The following CCDC92 variants were observed in gnomAD, a reference collection of about 807,000 sequenced individuals.
The protein encoded by CCDC92 is coiled-coil domain containing 92.
A neutral mutation model predicts 24.9 loss-of-function variants in CCDC92; 12 were observed. The ratio of observed to expected loss-of-function variants is 0.48; its 90% CI spans 0.31 to 0.78. The LOEUF is 0.78. Ranked by LOEUF, CCDC92 falls within the 30% of genes least tolerant of loss-of-function variation. The pLI is 0.05. For missense variants in CCDC92, 399 were observed against 439.4 expected (o/e 0.91, Z 0.82); for synonymous variants, 193 against 196.3 (o/e 0.98, Z 0.14).
intron 2 of CCDC92, 137 bp downstream of exon 2, chr12:123,944,135 T>A: frequency 7.4e-6 from 5 of 672,368 alleles, no homozygotes; most frequent in Non-Finnish European, 1.1e-5. Context: ...GAGCCACAGA[T>A]CCTTCTTGGG....
At chr12:123,963,397 G>A (rs1956319938) in intron 1 of CCDC92, among the ~76,000 whole-genome samples, 1 of 152,206 alleles carries the variant, frequency 6.6e-6, no homozygotes, top group Non-Finnish European at 1.5e-5. Context: ...GCAACCAGCA[G>A]GTGAGGGGAC....
intron 1 of CCDC92, chr12:123,970,111 G>C (rs1956491429): frequency 6.6e-6 from 1 of 152,134 alleles, no homozygotes; most frequent in African/African-American, 2.4e-5. Context: ...GGTTCATGTA[G>C]GTGTCTGCGG....
chr12:123,958,195 A>G (rs115414994), intron 1 of CCDC92, among the ~76,000 whole-genome samples: 1,903 of 152,200 alleles, frequency 0.013, 32 homozygotes, highest in African/African-American at 0.042. Context: ...CAGGGATGAC[A>G]GGCATGCAAT....
Position 123,936,795 on chromosome 12 carries a change from G to A in CCDC92, c.*263C>T, listed in dbSNP as rs117695256. The A allele has an allele frequency of 0.019, 10,655 of 571,408 alleles. 163 individuals are homozygous for A. The highest frequency in any genetic ancestry group is 0.031 in the Middle Eastern group (68 of 2,160). 35.4% of individuals were successfully genotyped at this position (571,408 alleles called of 1,614,324 possible). On this transcript the variant is annotated 3_prime_UTR_variant, in exon 5 of 5. Transcript: ENST00000238156. ...CCGTGGCCTGGGCTTTGCCTGCAGC[G>A]CACTTAGGTTACACGGAGCGGGATC...
chr12:123,943,424 A>G lies in CCDC92; in HGVS notation c.104T>C (p.Leu35Pro). The stretch of plus-strand genomic sequence containing the variant: ...GCTGGCATGCTCCCGCTGAAGGAAC[A>G]GGAGGTTCTTCTGTGCGCTGTGCAG... Reference protein sequence around the residue: ...NQLHSAQKNLLFLQREHASTL... With the variant: ...NQLHSAQKNLPFLQREHASTL... The change falls in exon 3 of 5, where the codon CTG becomes CCG. Residue 35 changes from leucine (L) to proline (P), a missense_variant. Transcript: ENST00000238156. The G allele has an allele frequency of 6.2e-7, 1 of 1,614,186 alleles. No homozygotes were observed. The highest frequency in any genetic ancestry group is 8.5e-7 in the Non-Finnish European group (1 of 1,180,024).
intron 3 of CCDC92, 137 bp from the exon 4 acceptor site, chr12:123,942,922 G>A (rs1955731932): frequency 1.4e-6 from 1 of 730,580 alleles, no homozygotes; most frequent in Admixed American, 2.0e-5. Flanking sequence ...AGCAGGAGAG[G>A]TGAGCATGAG....
intron 1 of CCDC92, among the ~76,000 whole-genome samples, chr12:123,969,698 G>A (rs1431402706): frequency 1.3e-5 from 2 of 151,858 alleles, no homozygotes; most frequent in African/African-American, 4.8e-5. Context: ...TCTTGACCTC[G>A]TGATCTGCCC....
At chr12:123,967,782 G>A (rs1463544155) in intron 1 of CCDC92, among the ~76,000 whole-genome samples, 2 of 152,180 alleles carry the variant, frequency 1.3e-5, no homozygotes, top group Admixed American at 6.5e-5. Flanking sequence ...ATAATATTGA[G>A]AATGACAATT....
intron 1 of CCDC92, among the ~76,000 whole-genome samples, chr12:123,954,837 C>T (rs1458168661): frequency 6.6e-6 from 1 of 152,230 alleles, no homozygotes; most frequent in Admixed American, 6.5e-5. Flanking sequence ...AGGAGGCCAG[C>T]GGGCGGCAGA....
intron 2 of CCDC92, 84 bp from the exon 3 acceptor site, chr12:123,943,577 T>A: frequency 6.8e-7 from 1 of 1,471,758 alleles, no homozygotes; most frequent in Non-Finnish European, 9.4e-7. Flanking sequence ...TGCAGAGGGG[T>A]GTGCGCCTCC....
intron 1 of CCDC92, among the ~76,000 whole-genome samples, chr12:123,964,749 G>T (rs941485703): frequency 9.9e-5 from 15 of 152,164 alleles, no homozygotes; most frequent in African/African-American, 3.4e-4. Context: ...TAAGAAACTA[G>T]TATCTTTATA....
At chr12:123,960,666 TGAC>T (rs1377302726) in intron 1 of CCDC92, 1 of 152,262 alleles carries the variant, frequency 6.6e-6, no homozygotes, top group African/African-American at 2.4e-5. Flanking sequence ...TGAGCTTGGA[TGAC>T]GCTTTTCTTG....
chr12:123,966,983 A>G (rs941687251), intron 1 of CCDC92, among the ~76,000 whole-genome samples: 2 of 152,036 alleles, frequency 1.3e-5, no homozygotes, highest in African/African-American at 4.8e-5. Context: ...TCCCCTAAAA[A>G]CCTGCCTTTG....
chr12:123,969,651 A>C (rs1594519766), intron 1 of CCDC92, among the ~76,000 whole-genome samples: 1 of 151,750 alleles, frequency 6.6e-6, no homozygotes, highest in East Asian at 1.9e-4. Context: ...TTTAGTAGAG[A>C]TGGGGTTTCA....
Position 123,937,243 on chromosome 12 carries a change from C to A in CCDC92, c.811G>T (p.Asp271Tyr), listed in dbSNP as rs575729715. ...RPLVIPPIAS[D>Y]RSGEQHSPAR... Reference sequence around the variant, plus strand: ...GGGCTGTGCTGCTCGCCGCTTCGGTCGGAGGCGATGGGGGGGATGACGAGG... The same window carrying A: ...GGGCTGTGCTGCTCGCCGCTTCGGTAGGAGGCGATGGGGGGGATGACGAGG... Residue 271 changes from aspartate to tyrosine, a missense_variant, in exon 5 of 5, where the codon GAC (aspartate) becomes TAC (tyrosine). Asp to Tyr is a radical substitution (Grantham distance 160). Transcript: ENST00000238156. This position sits in a 1 kb window ranked among gnomAD's most constrained non-coding sequence, Gnocchi z 8.4. 2.5e-6 allele frequency: 4 copies of A among 1,610,744 alleles called. No homozygotes were observed. The highest frequency in any genetic ancestry group is 1.1e-5 in the South Asian group (1 of 91,056).
Position 123,937,936 on chromosome 12 carries a change from T to TG in CCDC92, c.224-107dup. 8.6e-7 allele frequency: 1 copy of TG among 1,161,738 alleles called. No individual in the cohort carries two copies. Among genetic ancestry groups the TG allele is most frequent in the Non-Finnish European group, 1.2e-6 (1 of 825,076 alleles). The allele number at this position is 1,161,738 out of a possible 1,614,324, so 72.0% of individuals were successfully genotyped here. ...TGTCTGGTGGGGGCCCTGTCTAGGC[T>TG]GTGGGGGCCATGCAGAAGGCAGGGC... On this transcript the variant is annotated intron_variant, in intron 4 of 4. Coordinates refer to ENST00000238156, the MANE Select transcript of CCDC92 (RefSeq NM_025140.3). The surrounding 1 kb of genome is among the most constrained non-coding windows in gnomAD (Gnocchi z 8.4).
intron 4 of CCDC92, among the ~76,000 whole-genome samples, chr12:123,940,952 C>T (rs1401906367): frequency 6.6e-6 from 1 of 151,484 alleles, no homozygotes; most frequent in East Asian, 2.0e-4. Flanking sequence ...GCTTTTGAAA[C>T]TGCCTCCCCT....
chr12:123,944,075 G>C (rs1955772469), intron 2 of CCDC92, 197 bp downstream of exon 2: 1 of 522,770 alleles, frequency 1.9e-6, no homozygotes, highest in Admixed American at 3.8e-5. Flanking sequence ...AGGAGGGAGA[G>C]ATGGGCTGAA....
At chr12:123,952,575 C>T (rs959668721) in intron 1 of CCDC92, among the ~76,000 whole-genome samples, 1 of 152,218 alleles carries the variant, frequency 6.6e-6, no homozygotes, top group Non-Finnish European at 1.5e-5. Context: ...ACTCTGAATT[C>T]ACAATGAACT....
Sources: allele counts gnomAD v4.1 joint callset (sites outside exome capture counted in the v4.1 genomes callset), GRCh38; gene constraint gnomAD v4.1.1; non-coding constraint Gnocchi (gnomAD v3.1); transcripts MANE v1.5; gene names NCBI Gene and HGNC (gene_info 2026-07-23, HGNC 2026-07-21).